Variants in COL12A1 observed in about 807,000 individuals in gnomAD.
COL12A1 encodes the protein collagen alpha-1(XII) chain.
COL12A1 carries 114 observed loss-of-function variants against 349.7 expected under a neutral mutation model. The observed-to-expected ratio is 0.33, with a 90% CI of 0.28 to 0.38. The LOEUF (loss-of-function observed/expected upper bound fraction) is 0.38. Among genes scored for constraint, COL12A1 ranks in the 10% least tolerant of loss-of-function variants. The pLI, the probability that COL12A1 is intolerant of heterozygous loss-of-function variation, is 1.00. For synonymous variants in COL12A1, 1,369 were observed against 1,329.0 expected (o/e 1.03, Z -0.66); for missense variants, 3,284 against 3,756.9 (o/e 0.87, Z 3.29).
At chr6:75,157,818 T>C (rs1347850217) in intron 14 of COL12A1, among the ~76,000 whole-genome samples, 1 of 152,042 alleles carries the variant, frequency 6.6e-6, no homozygotes, top group Non-Finnish European at 1.5e-5. Context: ...CAGGGAACAA[T>C]TTATTGAGCT....
chr6:75,198,741 AT>A (rs2149488082), intron 2 of COL12A1, among the ~76,000 whole-genome samples: 1 of 152,252 alleles, frequency 6.6e-6, no homozygotes, highest in African/African-American at 2.4e-5. Context: ...GGGAAAATGG[AT>A]GAGAGGGAGT....
chr6:75,093,162 C>A (rs1767853869), intron 60 of COL12A1, among the ~76,000 whole-genome samples: 1 of 152,172 alleles, frequency 6.6e-6, no homozygotes, highest in Non-Finnish European at 1.5e-5. Flanking sequence ...TCACGGGAAC[C>A]TATATTTACA....
chr6:75,124,897 G>C (rs973956268), intron 40 of COL12A1, among the ~76,000 whole-genome samples: 2 of 151,954 alleles, frequency 1.3e-5, no homozygotes, highest in Admixed American at 1.3e-4. Flanking sequence ...AAAATTCAAA[G>C]TATAATATTT....
chr6:75,114,460 C>A (rs754735661), intron 49 of COL12A1, among the ~76,000 whole-genome samples: 3 of 151,962 alleles, frequency 2.0e-5, no homozygotes, highest in African/African-American at 7.2e-5. Flanking sequence ...CCCATGTGTC[C>A]CTCCAGAGTT....
intron 14 of COL12A1, among the ~76,000 whole-genome samples, chr6:75,161,605 A>G (rs1768030454): frequency 6.6e-6 from 1 of 152,238 alleles, no homozygotes; most frequent in Non-Finnish European, 1.5e-5. Context: ...CAAGACAAGG[A>G]TGCCCTCTCT....
At chr6:75,170,479 G>A (rs1768566821) in intron 13 of COL12A1, among the ~76,000 whole-genome samples, 1 of 152,154 alleles carries the variant, frequency 6.6e-6, no homozygotes, top group African/African-American at 2.4e-5. Context: ...GTTCACTATT[G>A]ATAAGTTAAC....
rs750511139 is a variant in COL12A1, at chr6:75,142,140, T to C, written c.4849A>G (p.Thr1617Ala). 3.7e-6 allele frequency: 6 copies of C among 1,614,140 alleles called. No individual in the cohort carries two copies. In the Admixed American group the frequency reaches 1.0e-4, roughly 27 times the overall value. ...VKEVEVDRSE[T>A]STSLKDLFSQ... is the part of the protein sequence containing the mutation. ...AAGAGGTCTTTGAGGGAAGTGCTGGTCTCTGATCTGTCCACCTCTACCTAT... is the reference window on the plus strand; with the variant it reads ...AAGAGGTCTTTGAGGGAAGTGCTGGCCTCTGATCTGTCCACCTCTACCTAT... The change falls in exon 27 of 66, where the codon ACC becomes GCC. Residue 1617 changes from threonine (T) to alanine (A), a missense_variant. This residue lies in a region of COL12A1 where 2,601 missense variants were observed against 2,824.8 expected (regional missense o/e 0.92). Transcript: ENST00000322507.
chr6:75,156,168 T>G, intron 15 of COL12A1, 89 bp downstream of exon 15: 1 of 1,461,502 alleles, frequency 6.8e-7, no homozygotes, highest in Non-Finnish European at 9.3e-7. Context: ...GAATCAGTTT[T>G]AAACATTTAC....
chr6:75,128,141 C>A (rs1582093853), intron 38 of COL12A1, among the ~76,000 whole-genome samples, 155 bp downstream of exon 38: 1 of 151,956 alleles, frequency 6.6e-6, no homozygotes, highest in South Asian at 2.1e-4. Context: ...ATCATTTTGA[C>A]AAAATTTAAT....
rs1223871071 is a variant in COL12A1, at chr6:75,148,281, C to T, written c.4287+77G>A. 40 of 1,437,236 alleles carry T rather than the reference C, an allele frequency of 2.8e-5. No homozygotes were observed. The South Asian group carries it at 4.8e-4, about 17-fold the overall frequency. The allele number at this position is 1,437,236 out of a possible 1,614,324, so 89.0% of individuals were successfully genotyped here. A position where few individuals can be genotyped will look rare whatever the true frequency, so the allele number is the denominator to read the frequency against. ...TTCATCCCTCTTGCCCCTCACCTAA[C>T]ATTATTCTCAGAGTCCTAATGAGGA... On this transcript the variant is annotated intron_variant, in intron 22 of 65. Transcript: ENST00000322507.
intron 21 of COL12A1, 83 bp downstream of exon 21, chr6:75,151,058 G>GGGGGGCCCC: frequency 2.7e-6 from 1 of 368,968 alleles, no homozygotes; most frequent in Non-Finnish European, 5.2e-6. Context: ...ACAAAATAGT[G>GGGGGGCCCC]CCCTCCCCCC....
rs1452788284 is a variant in COL12A1 at position 75,138,806 on chromosome 6, A to C, written c.5097+16T>G. Reference sequence around the variant, plus strand: ...GGACATGAAAGACAGAGAGAAAGATAAAGAGAGTTAACTACCTCCATCTTA... The same window carrying C: ...GGACATGAAAGACAGAGAGAAAGATCAAGAGAGTTAACTACCTCCATCTTA... On this transcript the variant is annotated intron_variant, in intron 28 of 65. Transcript: ENST00000322507. 7 of 1,613,408 alleles carry C rather than the reference A, an allele frequency of 4.3e-6. No homozygotes were observed. In the South Asian group the frequency reaches 6.6e-5, roughly 15 times the overall value.
intron 38 of COL12A1, 129 bp from the exon 39 acceptor site, chr6:75,126,599 G>A: frequency 9.2e-7 from 1 of 1,090,900 alleles, no homozygotes. Flanking sequence ...TCTTTATCCA[G>A]AAAACAATTA....
chr6:75,113,017 T>G (rs914106150), intron 51 of COL12A1, 187 bp downstream of exon 51: 13 of 360,488 alleles, frequency 3.6e-5, no homozygotes, highest in African/African-American at 4.3e-5. Context: ...ATATTACTCG[T>G]TATCTCTTGA....
In COL12A1 at chr6:75,091,089, C is replaced by T. The variant is rs553097287; in HGVS notation, c.8752+234G>A. On this transcript the variant is annotated intron_variant, in intron 62 of 65. Coordinates refer to ENST00000322507, the MANE Select transcript of COL12A1 (RefSeq NM_004370.6). ...ACTTAAAATATCTGATGTCTTAGTACTTAAGTTTACTGCTATTATTTTACC... is the reference window on the plus strand; with the variant it reads ...ACTTAAAATATCTGATGTCTTAGTATTTAAGTTTACTGCTATTATTTTACC... Among the ~76,000 whole-genome samples the T allele has an allele frequency of 3.0e-3, 461 of 152,162 alleles. 2 individuals are homozygous for T. Among genetic ancestry groups the T allele is most frequent in the African/African-American group, 0.011 (442 of 41,508 alleles).
At chr6:75,195,705 T>C (rs1770190712) in intron 2 of COL12A1, among the ~76,000 whole-genome samples, 2 of 152,184 alleles carry the variant, frequency 1.3e-5, no homozygotes, top group Admixed American at 1.3e-4. Context: ...GCTTGCTGAA[T>C]GTTCCAGGGT....
chr6:75,129,983 A>G (rs1766221129), intron 37 of COL12A1, 108 bp downstream of exon 37: 3 of 1,270,008 alleles, frequency 2.4e-6, no homozygotes, highest in Non-Finnish European at 3.3e-6. Flanking sequence ...CTAAAGTGTG[A>G]CTATCAAGGA....
Sources: allele counts gnomAD v4.1 joint callset (sites outside exome capture counted in the v4.1 genomes callset), GRCh38; gene constraint gnomAD v4.1.1; regional missense constraint gnomAD v4.1.1; transcripts MANE v1.5; gene names NCBI Gene and HGNC (gene_info 2026-07-23, HGNC 2026-07-21).